EPHA6: variants seen among roughly 807,000 people sequenced by gnomAD.
The protein encoded by EPHA6 is ephrin type-A receptor 6.
EPHA6 carries 50 observed loss-of-function variants against 112.0 expected under a neutral mutation model. That is an observed-to-expected ratio of 0.45 (90% CI 0.36 to 0.56). EPHA6 has a LOEUF of 0.56. Among genes scored for constraint, EPHA6 ranks in the 20% least tolerant of loss-of-function variants. The probability of loss-of-function intolerance (pLI) is 0.00; values close to 1 mark genes in which losing one functional copy is unlikely to be tolerated. For missense variants in EPHA6, 1,280 were observed against 1,417.4 expected, an observed-to-expected ratio of 0.90 and a Z score of 1.56; for synonymous variants, 529 against 490.7, an observed-to-expected ratio of 1.08 and a Z score of -1.03.
At chr3:96,935,863 G>A (rs1340265394) in intron 2 of EPHA6, among the ~76,000 whole-genome samples, 1 of 151,532 alleles carries the variant, frequency 6.6e-6, no homozygotes, top group Non-Finnish European at 1.5e-5. Context: ...TTTATATTGA[G>A]GATATTATTA....
intron 7 of EPHA6, among the ~76,000 whole-genome samples, chr3:97,461,711 T>C (rs1033844621): frequency 3.3e-5 from 5 of 152,172 alleles, no homozygotes; most frequent in African/African-American, 1.2e-4. Context: ...ACTATAGGGA[T>C]AGTTAGCTAG....
chr3:96,825,522 C>T (rs1559751683), intron 1 of EPHA6, among the ~76,000 whole-genome samples: 1 of 151,756 alleles, frequency 6.6e-6, no homozygotes, highest in South Asian at 2.1e-4. Flanking sequence ...TTGTTATTTT[C>T]TCTTTCCTAA....
chr3:96,916,750 G>C (rs963504360), intron 2 of EPHA6, among the ~76,000 whole-genome samples: 1 of 152,110 alleles, frequency 6.6e-6, no homozygotes, highest in Non-Finnish European at 1.5e-5. Context: ...ATTAGCGCTT[G>C]AGAATATCAT....
chr3:97,098,764 C>A (rs1448424499), intron 3 of EPHA6, among the ~76,000 whole-genome samples: 1 of 151,740 alleles, frequency 6.6e-6, no homozygotes, highest in Non-Finnish European at 1.5e-5. Context: ...ACACTACAAT[C>A]CACTATGTCA....
rs533455447 is a variant in EPHA6, at chr3:97,368,108, G to C, written c.1607-37042G>C. Among the ~76,000 whole-genome samples, 7 of 152,226 alleles carry C rather than the reference G, an allele frequency of 4.6e-5. No individual in the cohort carries two copies. The South Asian group carries it at 1.2e-3, about 27-fold the overall frequency. On this transcript the variant is annotated intron_variant, in intron 5 of 17. Transcript: ENST00000389672. ...TGTTGATAAACACTGAACCCATCTG[G>C]AATATTGCAAGCCTTTCCCTAATAA...
At chr3:97,554,451 G>T (rs368685721) in intron 11 of EPHA6, among the ~76,000 whole-genome samples, 1 of 151,924 alleles carries the variant, frequency 6.6e-6, no homozygotes, top group Non-Finnish European at 1.5e-5. Flanking sequence ...TTTCTTTTAG[G>T]TTTGACTATG....
In EPHA6 at chr3:97,747,450, G is replaced by A. The variant is rs190215771; in HGVS notation, c.3156G>A (p.Pro1052=). Residue 1052 remains proline (P), a synonymous_variant, in exon 17 of 18, where the codon CCG becomes CCA. Transcript: ENST00000389672. ...TGCCAGAGTCCCCTGGTGAAGTTCCGGAATATCCTTTGTTTGTCACAGTTG... is the reference window on the plus strand; with the variant it reads ...TGCCAGAGTCCCCTGGTGAAGTTCCAGAATATCCTTTGTTTGTCACAGTTG... ...LVMPESPGEV[P]EYPLFVTVGD... is the part of the protein sequence containing the mutation. 194 of 1,585,588 alleles carry A rather than the reference G, an allele frequency of 1.2e-4. 1 individual carries two copies. Among genetic ancestry groups the A allele is most frequent in the South Asian group, 6.2e-4 (54 of 86,668 alleles).
At chr3:97,346,047 A>G (rs1052000047) in intron 5 of EPHA6, among the ~76,000 whole-genome samples, 2 of 152,106 alleles carry the variant, frequency 1.3e-5, no homozygotes, top group Non-Finnish European at 2.9e-5. Flanking sequence ...ATAAAAATCT[A>G]TACTGCATTG....
intron 12 of EPHA6, among the ~76,000 whole-genome samples, chr3:97,609,201 C>T (rs908123325): frequency 6.6e-6 from 1 of 151,362 alleles, no homozygotes; most frequent in African/African-American, 2.4e-5. Context: ...AATAACCCAA[C>T]TTTTCCCATT....
chr3:97,515,867 G>A (rs1422194603), intron 10 of EPHA6, among the ~76,000 whole-genome samples: 1 of 150,976 alleles, frequency 6.6e-6, no homozygotes. Context: ...AAATATGTGT[G>A]ATTTGAAAAA....
At chr3:97,198,598 T>C (rs1358937110) in intron 3 of EPHA6, among the ~76,000 whole-genome samples, 1 of 152,138 alleles carries the variant, frequency 6.6e-6, no homozygotes, top group African/African-American at 2.4e-5. Context: ...GCTCCTCGCT[T>C]TGGCCCCTTT....
At chr3:97,708,623 A>G (rs2033804367) in intron 14 of EPHA6, among the ~76,000 whole-genome samples, 1 of 152,260 alleles carries the variant, frequency 6.6e-6, no homozygotes, top group South Asian at 2.1e-4. Context: ...TTAATCGCCA[A>G]GACAATGGGG....
chr3:97,663,315 C>CT (rs970441486), intron 14 of EPHA6, among the ~76,000 whole-genome samples: 1 of 149,810 alleles, frequency 6.7e-6, no homozygotes, highest in Non-Finnish European at 1.5e-5. Flanking sequence ...TTTGTGGAGC[C>CT]TTTTTTTTTC....
intron 2 of EPHA6, among the ~76,000 whole-genome samples, chr3:96,923,402 G>A (rs978416671): frequency 1.3e-5 from 2 of 152,112 alleles, no homozygotes; most frequent in African/African-American, 4.8e-5. Context: ...ATGTTGAAAA[G>A]TTTTTTACAT....
intron 14 of EPHA6, chr3:97,646,063 TA>T: frequency 7.5e-7 from 1 of 1,332,958 alleles, no homozygotes; most frequent in Non-Finnish European, 1.0e-6. Context: ...TATCCTTTTC[TA>T]ATCAAAATAC....
At chr3:97,325,402 T>G (rs539690538) in intron 5 of EPHA6, among the ~76,000 whole-genome samples, 3 of 152,176 alleles carry the variant, frequency 2.0e-5, no homozygotes, top group African/African-American at 7.2e-5. Flanking sequence ...CTGGAGTCAC[T>G]CTGTATGTAG....
chr3:97,153,617 C>G (rs966345090), intron 3 of EPHA6, among the ~76,000 whole-genome samples: 1 of 152,020 alleles, frequency 6.6e-6, no homozygotes, highest in Non-Finnish European at 1.5e-5. Context: ...ACTAAAAAAA[C>G]ATAGTTACCT....
chr3:97,165,791 T>C (rs1337461905), intron 3 of EPHA6, among the ~76,000 whole-genome samples: 1 of 152,168 alleles, frequency 6.6e-6, no homozygotes, highest in Non-Finnish European at 1.5e-5. Flanking sequence ...GAAGTAGAAG[T>C]AAATAAATTC....
intron 2 of EPHA6, among the ~76,000 whole-genome samples, chr3:96,966,780 A>G (rs139976025): frequency 7.2e-5 from 11 of 152,172 alleles, no homozygotes; most frequent in African/African-American, 2.6e-4. Flanking sequence ...CTCTTTTACA[A>G]TGTGATTTTT....
Sources: gnomAD v4.1 joint callset for allele counts (sites outside exome capture counted in the v4.1 genomes callset) on GRCh38, gnomAD v4.1.1 for gene constraint, MANE v1.5 for transcripts, NCBI Gene and HGNC (gene_info 2026-07-23, HGNC 2026-07-21) for gene names.